VPS13B: variants seen among roughly 807,000 people sequenced by gnomAD.
VPS13B encodes the protein intermembrane lipid transfer protein VPS13B.
A neutral mutation model predicts 426.4 loss-of-function variants in VPS13B; 285 were observed. The ratio of observed to expected loss-of-function variants is 0.67; its 90% CI spans 0.61 to 0.74. The LOEUF (loss-of-function observed/expected upper bound fraction) is 0.74. Among genes scored for constraint, VPS13B ranks in the 30% least tolerant of loss-of-function variants. The pLI, the probability that VPS13B is intolerant of heterozygous loss-of-function variation, is 0.00. For missense variants in VPS13B, 4,537 were observed against 4,782.6 expected (o/e 0.95, Z 1.51); for synonymous variants, 1,676 against 1,676.4 (o/e 1.00, Z 0.01).
chr8:99,464,720 C>T (rs914995156), intron 23 of VPS13B, among the ~76,000 whole-genome samples: 1 of 152,082 alleles, frequency 6.6e-6, no homozygotes, highest in Non-Finnish European at 1.5e-5. Flanking sequence ...CCTGCTCCAC[C>T]CCTTGGCGTT....
intron 19 of VPS13B, among the ~76,000 whole-genome samples, chr8:99,309,917 C>T (rs1418919438): frequency 1.3e-5 from 2 of 152,118 alleles, no homozygotes; most frequent in Admixed American, 6.5e-5. Context: ...AAGATGGATT[C>T]CTAGGTATTT....
At position 99,776,786 on chromosome 8, in the gene VPS13B, A is replaced by G. The variant is rs1811762443; in HGVS notation, c.7259A>G (p.Glu2420Gly). ...CTTCTTTCCCATAGCTCTGCAAGTG[A>G]GTCTGGTTCTCAAAGCACTTGTGAT... ...NGADDQSSAS[E>G]SGSQSTCDPL... Residue 2420 changes from glutamate (E) to glycine (G), a missense_variant, in exon 41 of 62, where the codon GAG becomes GGG. By Grantham distance (98) the Glu-to-Gly change is moderately conservative (BLOSUM62 -2). Coordinates refer to ENST00000357162, the MANE Select transcript of VPS13B (RefSeq NM_152564.5). The G allele has an allele frequency of 3.7e-6, 6 of 1,614,000 alleles. No homozygotes were observed. The highest frequency in any genetic ancestry group is 5.1e-6 in the Non-Finnish European group (6 of 1,179,932).
chr8:99,161,935 G>A (rs967069765), intron 15 of VPS13B, among the ~76,000 whole-genome samples: 4 of 152,088 alleles, frequency 2.6e-5, no homozygotes, highest in Admixed American at 1.3e-4. Flanking sequence ...GTCTCACCAT[G>A]TTGACCAGGC....
chr8:99,338,326 G>A (rs985823625), intron 19 of VPS13B, among the ~76,000 whole-genome samples: 2 of 151,968 alleles, frequency 1.3e-5, no homozygotes, highest in African/African-American at 4.8e-5. Context: ...TTTAATCCTT[G>A]AACGTAGTGT....
At chr8:99,026,167 A>G (rs1842127223) in intron 2 of VPS13B, among the ~76,000 whole-genome samples, 1 of 152,184 alleles carries the variant, frequency 6.6e-6, no homozygotes, top group African/African-American at 2.4e-5. Context: ...TGTTTTTGCT[A>G]TATTCCGTAG....
chr8:99,829,504 T>C (rs1814921939), intron 51 of VPS13B, among the ~76,000 whole-genome samples: 1 of 152,234 alleles, frequency 6.6e-6, no homozygotes, highest in East Asian at 1.9e-4. Flanking sequence ...TGTAACCTTT[T>C]ATCGCGGTTC....
chr8:99,507,257 CTTG>C, intron 28 of VPS13B, 54 bp downstream of exon 28: 1 of 1,557,926 alleles, frequency 6.4e-7, no homozygotes, highest in African/African-American at 1.4e-5. Context: ...AACTGTTTAT[CTTG>C]TTATTTCATA....
intron 30 of VPS13B, among the ~76,000 whole-genome samples, chr8:99,541,313 A>G (rs1281684352): frequency 6.6e-6 from 1 of 152,140 alleles, no homozygotes; most frequent in Non-Finnish European, 1.5e-5. Context: ...ACTTTTTTAT[A>G]TTCTTAAGAA....
intron 31 of VPS13B, among the ~76,000 whole-genome samples, chr8:99,573,309 T>TC (rs1825587519): frequency 1.3e-5 from 2 of 152,210 alleles, no homozygotes; most frequent in Non-Finnish European, 2.9e-5. Context: ...TTTAATTAGA[T>TC]CCCATTTGTC....
chr8:99,567,704 C>T (rs1395047945), intron 31 of VPS13B, among the ~76,000 whole-genome samples: 1 of 151,960 alleles, frequency 6.6e-6, no homozygotes, highest in Non-Finnish European at 1.5e-5. Flanking sequence ...ATTTCCACAC[C>T]TCTCTGTACT....
At chr8:99,764,950 A>G (rs756176745) in intron 39 of VPS13B, among the ~76,000 whole-genome samples, 45 of 151,634 alleles carry the variant, frequency 3.0e-4, no homozygotes, top group Admixed American at 4.6e-4. Flanking sequence ...TTCCTAGGGG[A>G]AAAAAAAAGT....
chr8:99,810,772 G>C (rs949270608), intron 44 of VPS13B, among the ~76,000 whole-genome samples: 2 of 152,190 alleles, frequency 1.3e-5, no homozygotes, highest in African/African-American at 4.8e-5. Context: ...AGTGTAAAGG[G>C]AATTTAGAGG....
chr8:99,641,462 A>C (rs962652394), intron 33 of VPS13B, among the ~76,000 whole-genome samples: 8 of 152,218 alleles, frequency 5.3e-5, no homozygotes, highest in Non-Finnish European at 1.0e-4. Context: ...ATATTGCTTG[A>C]GAAATCACTA....
chr8:99,621,820 CTTTTTTTTTTTTTTTT>C (rs749078781), intron 33 of VPS13B, among the ~76,000 whole-genome samples: 1 of 83,256 alleles, frequency 1.2e-5, no homozygotes, highest in Non-Finnish European at 2.2e-5. Context: ...TGTTTTGTTT[CTTTTTTTTTTTTTTTT>C]TTTTTTTTGA....
chr8:99,331,778 A>ATGG (rs1487558640), intron 19 of VPS13B, among the ~76,000 whole-genome samples: 1 of 151,738 alleles, frequency 6.6e-6, no homozygotes, highest in Non-Finnish European at 1.5e-5. Context: ...TGCAAAAATA[A>ATGG]TGGAATTTAA....
intron 61 of VPS13B, among the ~76,000 whole-genome samples, chr8:99,871,943 C>T (rs543397512): frequency 1.3e-5 from 2 of 152,330 alleles, no homozygotes; most frequent in South Asian, 4.1e-4. Flanking sequence ...GCCAGCAGGA[C>T]TCAAGGTCTA....
In VPS13B at chr8:99,747,827, G is replaced by T. The variant is rs532450919; in HGVS notation, c.7051-18947G>T. On this transcript the variant is annotated intron_variant, in intron 39 of 61. Transcript: ENST00000357162. The stretch of plus-strand genomic sequence containing the variant: ...TTGTTTTGTTTTAACTTTTCAAAGG[G>T]TATCTTGTTCCAAGAATACTTTTTT... 9.9e-5 allele frequency among the ~76,000 whole-genome samples: 15 copies of T among 151,962 alleles called. No individual in the cohort carries two copies. In the South Asian group the frequency reaches 2.9e-3, roughly 29 times the overall value.
chr8:99,253,195 T>C (rs1222054788), intron 17 of VPS13B, among the ~76,000 whole-genome samples: 1 of 152,208 alleles, frequency 6.6e-6, no homozygotes, highest in East Asian at 1.9e-4. Flanking sequence ...CTGAATAATA[T>C]TTCATAGTAT....
chr8:99,585,677 C>G (rs1826269764), intron 33 of VPS13B, among the ~76,000 whole-genome samples: 1 of 152,120 alleles, frequency 6.6e-6, no homozygotes, highest in African/African-American at 2.4e-5. Context: ...AGGGAGCTTA[C>G]TCAACTTGAT....
Sources: gnomAD v4.1 joint callset for allele counts (sites outside exome capture counted in the v4.1 genomes callset) on GRCh38, gnomAD v4.1.1 for gene constraint, MANE v1.5 for transcripts, NCBI Gene and HGNC (gene_info 2026-07-23, HGNC 2026-07-21) for gene names.